ANK2: variants seen among roughly 807,000 people sequenced by gnomAD.
ANK2 encodes the protein ankyrin 2.
A neutral mutation model predicts 360.5 loss-of-function variants in ANK2; 83 were observed. The observed-to-expected ratio is 0.23, with a 90% CI of 0.19 to 0.28. The LOEUF (loss-of-function observed/expected upper bound fraction) is 0.28, where lower values mean the gene tolerates loss of function less well. Among genes scored for constraint, ANK2 ranks in the 10% least tolerant of loss-of-function variants. The pLI is 1.00. For synonymous variants in ANK2, 1,740 were observed against 1,759.5 expected, an observed-to-expected ratio of 0.99 and a Z score of 0.28; for missense variants, 4,201 against 4,795.7, an observed-to-expected ratio of 0.88 and a Z score of 3.66.
chr4:112,968,336 G>A (rs6833457), intron 2 of ANK2, among the ~76,000 whole-genome samples: 51,439 of 151,988 alleles, frequency 0.34, 9,451 homozygotes, highest in African/African-American at 0.49. Context: ...GACCAGGCCC[G>A]TCCAACCAGC....
At chr4:113,258,508 AG>A in intron 13 of ANK2, 97 bp downstream of exon 13, 1 of 1,200,614 alleles carries the variant, frequency 8.3e-7, no homozygotes, top group Non-Finnish European at 1.2e-6. Flanking sequence ...ATGTCATCGA[AG>A]TAAGCAACCA....
the ANK2 span, among the ~76,000 whole-genome samples, chr4:112,809,914 T>A: frequency 6.6e-6 from 1 of 151,292 alleles, no homozygotes; most frequent in Admixed American, 6.6e-5. Context: ...AGAAATGTTC[T>A]GTTTTATTAC....
At chr4:112,861,839 C>CAGAGAGAGAGAGAGAGAGAA (rs2068130912) in intron 1 of ANK2, among the ~76,000 whole-genome samples, 1 of 140,406 alleles carries the variant, frequency 7.1e-6, no homozygotes, top group Admixed American at 7.3e-5. Flanking sequence ...TACATAGAGA[C>CAGAGAGAGAGAGAGAGAGAA]AGAGAGAGAG....
intron 1 of ANK2, among the ~76,000 whole-genome samples, chr4:113,109,789 G>C (rs182405435): frequency 9.1e-4 from 138 of 152,212 alleles, no homozygotes; most frequent in Admixed American, 8.3e-3. Flanking sequence ...TTCAGCAGTA[G>C]TGTTTGTCTG....
the ANK2 span, among the ~76,000 whole-genome samples, chr4:112,764,285 G>T: frequency 6.6e-6 from 1 of 151,624 alleles, no homozygotes; most frequent in East Asian, 1.9e-4. Context: ...CCATTTTTTC[G>T]TCCCATTGAT....
chr4:113,215,808 A>G (rs1227289563), intron 4 of ANK2, among the ~76,000 whole-genome samples: 1 of 151,920 alleles, frequency 6.6e-6, no homozygotes, highest in African/African-American at 2.4e-5. Flanking sequence ...CACAAAAACA[A>G]AAACAAAAAA....
chr4:112,902,846 T>A (rs1293180572), intron 1 of ANK2, among the ~76,000 whole-genome samples: 2 of 152,210 alleles, frequency 1.3e-5, no homozygotes, highest in Non-Finnish European at 2.9e-5. Context: ...CTGTTGAAAT[T>A]ATAATCTTTT....
At chr4:113,219,061 T>G (rs1295417963) in intron 4 of ANK2, among the ~76,000 whole-genome samples, 1 of 152,130 alleles carries the variant, frequency 6.6e-6, no homozygotes, top group East Asian at 1.9e-4. Flanking sequence ...GGTAACACAT[T>G]TTCTCTTGCT....
chr4:113,241,368 G>C (rs188876297), intron 8 of ANK2, among the ~76,000 whole-genome samples: 9 of 152,250 alleles, frequency 5.9e-5, no homozygotes, highest in Non-Finnish European at 8.8e-5. Flanking sequence ...GACAGGGTCT[G>C]GCTCTGTTGC....
At chr4:112,956,235 A>C (rs1049092662) in intron 2 of ANK2, among the ~76,000 whole-genome samples, 1 of 152,194 alleles carries the variant, frequency 6.6e-6, no homozygotes, top group African/African-American at 2.4e-5. Context: ...CTATGGCTGT[A>C]AGTTTTTGCA....
At chr4:113,059,005 A>T (rs986291752) in intron 1 of ANK2, among the ~76,000 whole-genome samples, 2 of 152,168 alleles carry the variant, frequency 1.3e-5, no homozygotes, top group African/African-American at 4.8e-5. Flanking sequence ...TGGTTCACAG[A>T]TGATGCCTTC....
At chr4:113,035,825 C>G (rs905936600) in intron 2 of ANK2, among the ~76,000 whole-genome samples, 4 of 151,752 alleles carry the variant, frequency 2.6e-5, no homozygotes, top group African/African-American at 7.3e-5. Context: ...AAAGGAAAAA[C>G]AAAATGTTTT....
chr4:113,354,287 A>G lies in ANK2; in HGVS notation c.5669A>G (p.His1890Arg). ...PVSPSTKTER[H>R]SPVSSTKTER... ...TCACCCTCGACAAAAACTGAAAGGC[A>G]CTCTCCTGTGTCATCTACAAAAACA... is the stretch of plus-strand genomic sequence containing the variant. The change falls in exon 38 of 46, where the codon CAC becomes CGC. Residue 1890 changes from histidine (H) to arginine (R), a missense_variant. This residue lies in a region of ANK2 where 2,642 missense variants were observed against 2,714.5 expected (regional missense o/e 0.97). Transcript: ENST00000357077. The G allele has an allele frequency of 6.2e-7, 1 of 1,613,706 alleles. No homozygotes were observed. The highest frequency in any genetic ancestry group is 8.5e-7 in the Non-Finnish European group (1 of 1,179,886).
intron 1 of ANK2, among the ~76,000 whole-genome samples, chr4:112,868,104 GTGAAGT>G (rs2071400632): frequency 1.3e-5 from 2 of 152,232 alleles, no homozygotes; most frequent in South Asian, 4.2e-4. Flanking sequence ...CCCTCTCTGT[GTGAAGT>G]GATATATCAT....
At position 112,998,374 on chromosome 4, in the gene ANK2, T is replaced by G. The variant is rs147260390; in HGVS notation, c.21+93860T>G. Among the ~76,000 whole-genome samples, 22 of 152,276 alleles carry G rather than the reference T, an allele frequency of 1.4e-4. No individual in the cohort carries two copies. In the East Asian group the frequency reaches 4.1e-3, roughly 28 times the overall value. ...ACAACTGTTAATACTGAGTACCATT[T>G]GCCAGAAGTGTCCTCTGCCTTTTCA... On this transcript the variant is annotated intron_variant, in intron 2 of 30. Coordinates refer to the ANK2 transcript ENST00000503271.
chr4:113,179,032 G>A (rs1418498004), intron 2 of ANK2, among the ~76,000 whole-genome samples: 1 of 151,988 alleles, frequency 6.6e-6, no homozygotes, highest in Non-Finnish European at 1.5e-5. Context: ...GTGGTTACAG[G>A]ATCTTTTAAG....
At chr4:113,032,854 C>A (rs190267212) in intron 2 of ANK2, among the ~76,000 whole-genome samples, 1 of 152,122 alleles carries the variant, frequency 6.6e-6, no homozygotes, top group East Asian at 1.9e-4. Flanking sequence ...CTGAAAATAT[C>A]TGCTATCAAG....
chr4:112,711,447 G>A, the ANK2 span, among the ~76,000 whole-genome samples: 10 of 152,034 alleles, frequency 6.6e-5, no homozygotes, highest in East Asian at 1.5e-3. Context: ...TGCTTGAGCC[G>A]GGGAGTTCAA....
intron 2 of ANK2, among the ~76,000 whole-genome samples, chr4:113,030,351 A>G (rs2060136685): frequency 6.6e-6 from 1 of 152,256 alleles, no homozygotes; most frequent in East Asian, 1.9e-4. Context: ...ACAAGAACCT[A>G]CGTAATTTTC....
Sources: gnomAD v4.1 joint callset for allele counts (sites outside exome capture counted in the v4.1 genomes callset) on GRCh38, gnomAD v4.1.1 for gene constraint, gnomAD v4.1.1 regional missense constraint, MANE v1.5 for transcripts, NCBI Gene and HGNC (gene_info 2026-07-23, HGNC 2026-07-21) for gene names.